PDGFRA: variants seen among roughly 807,000 people sequenced by gnomAD.
The protein encoded by PDGFRA is platelet derived growth factor receptor alpha.
Under a neutral mutation model 121.5 loss-of-function variants are expected in PDGFRA, and 25 were observed. The ratio of observed to expected loss-of-function variants is 0.21; its 90% CI spans 0.15 to 0.29. The LOEUF (loss-of-function observed/expected upper bound fraction) is 0.29. Ranked by LOEUF, PDGFRA falls within the 10% of genes least tolerant of loss-of-function variation. PDGFRA has a pLI of 1.00. For synonymous variants in PDGFRA, 463 were observed against 494.8 expected (o/e 0.94, Z 0.85); for missense variants, 1,008 against 1,345.1 (o/e 0.75, Z 3.92).
intron 1 of PDGFRA, among the ~76,000 whole-genome samples, chr4:54,250,736 G>C (rs1445633597): frequency 6.6e-6 from 1 of 152,076 alleles, no homozygotes; most frequent in Admixed American, 6.6e-5. Flanking sequence ...GACTCTGATG[G>C]GTACTCTAAA....
intron 16 of PDGFRA, among the ~76,000 whole-genome samples, chr4:54,282,325 A>G (rs1301948017): frequency 6.6e-6 from 1 of 152,180 alleles, no homozygotes; most frequent in Non-Finnish European, 1.5e-5. Flanking sequence ...CAGTTTTTGG[A>G]GAGGCCTCAT....
intron 22 of PDGFRA, 74 bp from the exon 23 acceptor site, chr4:54,295,051 G>A (rs1724807494): frequency 1.4e-6 from 2 of 1,462,672 alleles, no homozygotes; most frequent in Non-Finnish European, 9.6e-7. Context: ...GCTTTCGTTT[G>A]TCTCTGGGGG....
At chr4:54,246,702 GA>G (rs1410590051) in intron 1 of PDGFRA, among the ~76,000 whole-genome samples, 229 of 151,796 alleles carry the variant, frequency 1.5e-3, no homozygotes, top group African/African-American at 5.4e-3. Flanking sequence ...CAGAAGGCAA[GA>G]AATAACTAAA....
intron 1 of PDGFRA, among the ~76,000 whole-genome samples, chr4:54,238,576 G>A (rs141704620): frequency 2.4e-4 from 37 of 152,240 alleles, no homozygotes; most frequent in African/African-American, 8.7e-4. Flanking sequence ...AGACCTGCTG[G>A]GCTGCATTCC....
At chr4:54,236,059 C>T (rs1251074462) in intron 1 of PDGFRA, among the ~76,000 whole-genome samples, 1 of 152,188 alleles carries the variant, frequency 6.6e-6, no homozygotes, top group Non-Finnish European at 1.5e-5. Context: ...GGGTCTCTTT[C>T]TCAGTTTGTT....
Position 54,290,565 on chromosome 4 carries a change from G to A in PDGFRA, c.3122+11G>A. On this transcript the variant is annotated intron_variant, in intron 22 of 22. Coordinates refer to ENST00000257290, the MANE Select transcript of PDGFRA (RefSeq NM_006206.6). ...GAGGAACAGACACAGGTAGCTGTGG[G>A]GGCAGCCTCGGTGTCTCACCTTTCC... The A allele has an allele frequency of 1.2e-6, 2 of 1,614,052 alleles. No homozygotes were observed. The highest frequency in any genetic ancestry group is 1.7e-6 in the Non-Finnish European group (2 of 1,180,016).
intron 1 of PDGFRA, among the ~76,000 whole-genome samples, chr4:54,245,768 C>A (rs1238003214): frequency 7.2e-5 from 11 of 152,044 alleles, no homozygotes; most frequent in African/African-American, 2.7e-4. Context: ...CACAGACTGG[C>A]AAATTGGATA....
chr4:54,267,033 C>CT (rs1723065190), intron 5 of PDGFRA, among the ~76,000 whole-genome samples: 3 of 152,202 alleles, frequency 2.0e-5, no homozygotes, highest in Middle Eastern at 3.4e-3. Context: ...AAGCAGCTAG[C>CT]TTTTATTCTT....
intron 12 of PDGFRA, chr4:54,277,068 C>T (rs1015030887): frequency 3.7e-5 from 15 of 408,416 alleles, no homozygotes; most frequent in Non-Finnish European, 5.0e-5. Context: ...GTGAGAGCCC[C>T]GAAGGCAAGA....
chr4:54,286,482 G>C (rs549747439), intron 18 of PDGFRA, among the ~76,000 whole-genome samples: 9 of 151,698 alleles, frequency 5.9e-5, no homozygotes, highest in Non-Finnish European at 1.2e-4. Context: ...TTAGCCTCCC[G>C]AGTAGGTGGG....
intron 3 of PDGFRA, 40 bp downstream of exon 3, chr4:54,261,452 C>A: frequency 1.5e-6 from 2 of 1,311,992 alleles, no homozygotes; most frequent in Non-Finnish European, 2.2e-6. Flanking sequence ...TTCTTCTCTT[C>A]CTGTCTCTCC....
At chr4:54,278,321 T>A (rs2110314282) in intron 14 of PDGFRA, 41 bp from the exon 15 acceptor site, 3 of 1,567,990 alleles carry the variant, frequency 1.9e-6, no homozygotes, top group Non-Finnish European at 2.6e-6. Context: ...TTTCTGTTCT[T>A]CATTTTCATA....
intron 18 of PDGFRA, among the ~76,000 whole-genome samples, chr4:54,286,378 C>T (rs993739092): frequency 6.7e-6 from 1 of 149,984 alleles, no homozygotes; most frequent in African/African-American, 2.4e-5. Flanking sequence ...TTTTTTGAGA[C>T]AGAGTCTCAC....
intron 10 of PDGFRA, among the ~76,000 whole-genome samples, chr4:54,274,015 A>C (rs1723564622): frequency 6.6e-6 from 1 of 152,236 alleles, no homozygotes; most frequent in Non-Finnish European, 1.5e-5. Context: ...ATTTTTGCAG[A>C]GGCCCCTCAA....
rs1217827216 is a variant in PDGFRA, at chr4:54,270,660, T to C, written c.1149T>C (p.Arg383=). 1 of 1,611,048 alleles carries C rather than the reference T, an allele frequency of 6.2e-7. No individual in the cohort carries two copies. The highest frequency in any genetic ancestry group is 8.5e-7 in the Non-Finnish European group (1 of 1,177,378). ...ATCGAAGCAAATTAAAGCTGATCCG[T>C]GCTAAGGAAGAAGACAGTGGCCATT... ...IRYRSKLKLI[R]AKEEDSGHYT... Residue 383 remains arginine (R), a synonymous_variant, in exon 8 of 23, where the codon CGT becomes CGC. Coordinates refer to ENST00000257290, the MANE Select transcript of PDGFRA (RefSeq NM_006206.6).
chr4:54,241,222 A>T (rs1177911146), intron 1 of PDGFRA, among the ~76,000 whole-genome samples: 1 of 152,224 alleles, frequency 6.6e-6, no homozygotes, highest in Non-Finnish European at 1.5e-5. Context: ...GAAAGAAAAT[A>T]AAAACAAGTA....
chr4:54,295,376 T>C lies in PDGFRA; in HGVS notation c.*104T>C, dbSNP rs779471010. 3.2e-5 allele frequency: 38 copies of C among 1,172,138 alleles called. No individual in the cohort carries two copies. Among genetic ancestry groups the C allele is most frequent in the African/African-American group, 4.5e-5 (3 of 66,276 alleles). The allele number at this position is 1,172,138 out of a possible 1,614,324, so 72.6% of individuals were successfully genotyped here. A position where few individuals can be genotyped will look rare whatever the true frequency, so the allele number is the denominator to read the frequency against. On this transcript the variant is annotated 3_prime_UTR_variant, in exon 23 of 23. Transcript: ENST00000257290. ...GAGGTTGAGAGGAGGACTTGGTTGA[T>C]GTTTAAAGAGAAGTTCCCAGCCAAG...
chr4:54,262,348 C>T (rs918157578), intron 3 of PDGFRA, among the ~76,000 whole-genome samples: 4 of 151,876 alleles, frequency 2.6e-5, no homozygotes, highest in Admixed American at 6.6e-5. Flanking sequence ...ATTACAGGCA[C>T]GAGCCACTGG....
At chr4:54,256,003 A>T (rs1222717548) in intron 1 of PDGFRA, among the ~76,000 whole-genome samples, 1 of 152,108 alleles carries the variant, frequency 6.6e-6, no homozygotes, top group African/African-American at 2.4e-5. Flanking sequence ...GAAGAGGATG[A>T]GGCCTGCTGG....
Sources: allele counts gnomAD v4.1 joint callset (sites outside exome capture counted in the v4.1 genomes callset), GRCh38; gene constraint gnomAD v4.1.1; transcripts MANE v1.5; gene names NCBI Gene and HGNC (gene_info 2026-07-23, HGNC 2026-07-21).